PBLD: variants seen among roughly 807,000 people sequenced by gnomAD.
The protein encoded by PBLD is phenazine biosynthesis-like domain-containing protein.
In PBLD, 26 loss-of-function variants were observed where a neutral mutation model predicts 31.3. That is an observed-to-expected ratio of 0.83 (90% CI 0.61 to 1.15). The LOEUF is 1.15. PBLD is among the 50% of genes most tolerant of loss of function. The probability of loss-of-function intolerance (pLI) is 0.00; values close to 1 mark genes in which losing one functional copy is unlikely to be tolerated. For missense variants in PBLD, 307 were observed against 351.7 expected (o/e 0.87, Z 1.02); for synonymous variants, 114 against 129.0 (o/e 0.88, Z 0.79).
chr10:68,329,289 T>C (rs2044974512), intron 1 of PBLD, among the ~76,000 whole-genome samples: 1 of 151,728 alleles, frequency 6.6e-6, no homozygotes, highest in Admixed American at 6.6e-5. Context: ...GCAGAGTGCC[T>C]GACCCAAAGA....
chr10:68,296,408 C>T (rs1460879166), intron 3 of PBLD, 44 bp from the exon 4 acceptor site: 1 of 1,402,534 alleles, frequency 7.1e-7, no homozygotes, highest in Non-Finnish European at 1.0e-6. Context: ...CATTCCCATG[C>T]AAGCAGGTCA....
intron 8 of PBLD, among the ~76,000 whole-genome samples, chr10:68,286,684 A>G (rs10998053): frequency 0.75 from 113,292 of 152,012 alleles, 43,012 homozygotes; most frequent in Middle Eastern, 0.84. Flanking sequence ...AGCTTTTGGC[A>G]CCAAAAGAAC....
At chr10:68,293,245 G>T (rs1342708016) in intron 4 of PBLD, among the ~76,000 whole-genome samples, 1 of 152,146 alleles carries the variant, frequency 6.6e-6, no homozygotes. Flanking sequence ...TACGCCAAGG[G>T]AATAACAAAA....
rs66505136 is a variant in PBLD at position 68,329,306 on chromosome 10, G to GGCAAGCAA, written c.-60+3470_-60+3477dup. ...AGAGTGCCTGACCCAAAGAAATTATGGCAAGCAAGCAAGCAAGCAAGCAGC... is the reference window on the plus strand; with the variant it reads ...AGAGTGCCTGACCCAAAGAAATTATGGCAAGCAAGCAAGCAAGCAAGCAAGCAAGCAGC... On this transcript the variant is annotated intron_variant, in intron 1 of 9. Coordinates refer to ENST00000358769, the MANE Select transcript of PBLD (RefSeq NM_022129.4). 3.3e-5 allele frequency among the ~76,000 whole-genome samples: 5 copies of GGCAAGCAA among 152,046 alleles called. No individual in the cohort carries two copies. The South Asian group carries it at 6.2e-4, about 19-fold the overall frequency.
chr10:68,304,419 A>C (rs1331793582), intron 2 of PBLD, among the ~76,000 whole-genome samples: 1 of 152,246 alleles, frequency 6.6e-6, no homozygotes. Context: ...TCCCCAAATC[A>C]TGGACTTCCT....
intron 1 of PBLD, among the ~76,000 whole-genome samples, chr10:68,309,140 C>T (rs560195085): frequency 6.7e-6 from 1 of 149,832 alleles, no homozygotes; most frequent in Non-Finnish European, 1.5e-5. Context: ...GGTGCAGTGG[C>T]TCACGCCTGT....
intron 4 of PBLD, 125 bp from the exon 5 acceptor site, chr10:68,292,363 G>C (rs1589650280): frequency 2.5e-6 from 2 of 806,842 alleles, no homozygotes; most frequent in East Asian, 5.2e-5. Context: ...ATGGAGCGAG[G>C]TTTGGGTTGC....
chr10:68,285,442 C>G, intron 8 of PBLD, 32 bp from the exon 9 acceptor site: 1 of 1,571,872 alleles, frequency 6.4e-7, no homozygotes, highest in Non-Finnish European at 8.6e-7. Flanking sequence ...GGAGACAATC[C>G]CCAAGAAAAC....
At chr10:68,319,073 A>AAGAAAGAAAGAAAG (rs1234856189) in intron 1 of PBLD, among the ~76,000 whole-genome samples, 2 of 128,038 alleles carry the variant, frequency 1.6e-5, no homozygotes, top group Non-Finnish European at 3.2e-5. Context: ...GAAAGAAAGA[A>AAGAAAGAAAGAAAG]AGAAAGAAAG....
Position 68,293,758 on chromosome 10 carries a change from C to T in PBLD, c.284-1520G>A, listed in dbSNP as rs561304678. Among the ~76,000 whole-genome samples, 210 of 152,060 alleles carry T rather than the reference C, an allele frequency of 1.4e-3. 1 individual carries two copies. Among genetic ancestry groups the T allele is most frequent in the African/African-American group, 4.7e-3 (193 of 41,498 alleles). ...GGGAGGCCGAGGCGGGTGGTTCACC[C>T]GAAGTCAGGAGTTTGAGACCAGCTT... On this transcript the variant is annotated intron_variant, in intron 4 of 9. Coordinates refer to ENST00000358769, the MANE Select transcript of PBLD (RefSeq NM_022129.4).
chr10:68,308,613 A>G (rs2134482971), intron 1 of PBLD, among the ~76,000 whole-genome samples: 1 of 150,228 alleles, frequency 6.7e-6, no homozygotes, highest in African/African-American at 2.5e-5. Context: ...CAATGGCACA[A>G]TCTCCACTCA....
At chr10:68,300,458 A>G (rs1248913516) in intron 2 of PBLD, among the ~76,000 whole-genome samples, 2 of 152,186 alleles carry the variant, frequency 1.3e-5, no homozygotes, top group South Asian at 2.1e-4. Flanking sequence ...CAATAAATAA[A>G]TTAATGAGTA....
At chr10:68,305,498 A>C (rs1589660231) in intron 2 of PBLD, among the ~76,000 whole-genome samples, 1 of 152,216 alleles carries the variant, frequency 6.6e-6, no homozygotes, top group East Asian at 1.9e-4. Context: ...TCACGCCTGT[A>C]ATCCCAGCAT....
At chr10:68,311,353 G>C (rs2044664729) in intron 1 of PBLD, among the ~76,000 whole-genome samples, 1 of 152,156 alleles carries the variant, frequency 6.6e-6, no homozygotes, top group African/African-American at 2.4e-5. Context: ...TTGGGAGGCT[G>C]AGGCAGGTGG....
intron 1 of PBLD, among the ~76,000 whole-genome samples, chr10:68,327,408 T>C (rs1301594862): frequency 1.3e-5 from 2 of 151,000 alleles, no homozygotes; most frequent in Non-Finnish European, 3.0e-5. Flanking sequence ...GGCTGGGCGC[T>C]GTGGCTCACG....
intron 1 of PBLD, among the ~76,000 whole-genome samples, chr10:68,310,783 T>C (rs567024009): frequency 1.3e-5 from 2 of 151,000 alleles, no homozygotes; most frequent in East Asian, 4.1e-4. Context: ...TGGGAATTCT[T>C]TCTTCTTTAT....
At chr10:68,302,254 C>A (rs188290005) in intron 2 of PBLD, among the ~76,000 whole-genome samples, 7 of 152,272 alleles carry the variant, frequency 4.6e-5, no homozygotes, top group African/African-American at 1.4e-4. Flanking sequence ...ATCAAATTTC[C>A]AACAGCAAAA....
intron 1 of PBLD, among the ~76,000 whole-genome samples, chr10:68,307,431 G>C (rs1185929119): frequency 6.6e-6 from 1 of 152,038 alleles, no homozygotes; most frequent in Non-Finnish European, 1.5e-5. Flanking sequence ...ATTATACATA[G>C]AACTTAGCAG....
chr10:68,321,317 A>T (rs1001093106), intron 1 of PBLD, among the ~76,000 whole-genome samples: 3 of 152,202 alleles, frequency 2.0e-5, no homozygotes, highest in African/African-American at 7.2e-5. Flanking sequence ...ACAGAAGATC[A>T]TCAAGGAAAC....
Sources: gnomAD v4.1 joint callset for allele counts (sites outside exome capture counted in the v4.1 genomes callset) on GRCh38, gnomAD v4.1.1 for gene constraint, MANE v1.5 for transcripts, NCBI Gene and HGNC (gene_info 2026-07-23, HGNC 2026-07-21) for gene names.